The following DCUN1D4 variants were observed in gnomAD, a reference collection of about 807,000 sequenced individuals.
DCUN1D4 encodes the protein defective in cullin neddylation 1 domain containing 4, also known as DCN1-like protein 4.
Under a neutral mutation model 47.9 loss-of-function variants are expected in DCUN1D4, and 22 were observed. That is an observed-to-expected ratio of 0.46 (90% CI 0.33 to 0.66). The LOEUF (loss-of-function observed/expected upper bound fraction) is 0.66. Among genes scored for constraint, DCUN1D4 ranks in the 30% least tolerant of loss-of-function variants. DCUN1D4 has a pLI of 0.02. For synonymous variants in DCUN1D4, 121 were observed against 112.2 expected (o/e 1.08, Z -0.50); for missense variants, 301 against 340.8 (o/e 0.88, Z 0.92).
At chr4:51,863,645 G>C (rs371381672) in intron 2 of DCUN1D4, 25 bp from the exon 3 acceptor site, 1 of 1,610,788 alleles carries the variant, frequency 6.2e-7, no homozygotes, top group Non-Finnish European at 8.5e-7. Flanking sequence ...TGATTTCTTC[G>C]TAATAACGAA....
intron 1 of DCUN1D4, among the ~76,000 whole-genome samples, chr4:51,859,380 T>C (rs200761551): frequency 1.6e-4 from 24 of 152,170 alleles, no homozygotes; most frequent in African/African-American, 4.8e-4. Context: ...TAAAGGGAAG[T>C]TTTTGCTTTT....
At position 51,843,223 on chromosome 4, in the gene DCUN1D4, CG is replaced by C; in HGVS notation, c.-17del. On this transcript the variant is annotated 5_prime_UTR_variant, in exon 1 of 11. Coordinates refer to ENST00000334635, the MANE Select transcript of DCUN1D4 (RefSeq NM_001040402.3). Reference sequence around the variant, plus strand: ...GAGCGCGGGAGCCTGGGCGGCGAGCCGGGTGTGAGCTGCCTGAAAATGCACT... The same window carrying C: ...GAGCGCGGGAGCCTGGGCGGCGAGCCGGTGTGAGCTGCCTGAAAATGCACT... 2.6e-6 allele frequency: 4 copies of C among 1,539,782 alleles called. No homozygotes were observed. Among genetic ancestry groups the C allele is most frequent in the Non-Finnish European group, 2.6e-6 (3 of 1,142,862 alleles).
chr4:51,848,178 CTAATT>C (rs1167779505), intron 1 of DCUN1D4: 5 of 1,258,144 alleles, frequency 4.0e-6, no homozygotes, highest in Admixed American at 2.4e-5. Flanking sequence ...TGTATGCAAA[CTAATT>C]TAATATTTTT....
chr4:51,893,682 A>C (rs1287288588), intron 7 of DCUN1D4, among the ~76,000 whole-genome samples: 2 of 152,138 alleles, frequency 1.3e-5, no homozygotes, highest in African/African-American at 4.8e-5. Flanking sequence ...TCAGCCTCCC[A>C]AGGTGTTGGG....
chr4:51,906,737 G>T (rs1318939284), intron 8 of DCUN1D4, among the ~76,000 whole-genome samples: 2 of 152,194 alleles, frequency 1.3e-5, no homozygotes, highest in Admixed American at 1.3e-4. Context: ...TTTAGTTGTT[G>T]CAGAGCCAGG....
intron 1 of DCUN1D4, among the ~76,000 whole-genome samples, chr4:51,844,710 A>AG (rs1722232422): frequency 6.6e-6 from 1 of 151,510 alleles, no homozygotes; most frequent in Non-Finnish European, 1.5e-5. Flanking sequence ...AGGGCGCTTG[A>AG]GGGGTTTCCT....
intron 1 of DCUN1D4, chr4:51,844,257 C>T (rs1039545413): frequency 2.0e-5 from 18 of 896,660 alleles, no homozygotes; most frequent in Non-Finnish European, 2.2e-5. Flanking sequence ...CTTCCTCTCC[C>T]TGTCGAGGCA....
chr4:51,907,291 T>C (rs765801937), intron 8 of DCUN1D4, among the ~76,000 whole-genome samples: 4 of 152,230 alleles, frequency 2.6e-5, no homozygotes, highest in Non-Finnish European at 5.9e-5. Context: ...TCTAAACTAA[T>C]GTTAGCTAAG....
chr4:51,886,853 T>G, intron 6 of DCUN1D4: 1 of 521,646 alleles, frequency 1.9e-6, no homozygotes, highest in Non-Finnish European at 3.4e-6. Context: ...TTCTCTCATT[T>G]AATTTCTTGT....
intron 3 of DCUN1D4, among the ~76,000 whole-genome samples, chr4:51,871,590 C>T (rs1455020473): frequency 2.0e-5 from 3 of 152,180 alleles, no homozygotes; most frequent in African/African-American, 7.2e-5. Flanking sequence ...AAGCTAAGAA[C>T]CAAACCGTGA....
chr4:51,868,403 A>G (rs1475708306), intron 3 of DCUN1D4, among the ~76,000 whole-genome samples: 1 of 152,206 alleles, frequency 6.6e-6, no homozygotes, highest in African/African-American at 2.4e-5. Context: ...CATCAGTATG[A>G]CATGCTGGTT....
intron 1 of DCUN1D4, among the ~76,000 whole-genome samples, chr4:51,858,095 G>T (rs565302119): frequency 6.6e-6 from 1 of 152,228 alleles, no homozygotes; most frequent in East Asian, 1.9e-4. Flanking sequence ...CTGTTGGTCT[G>T]GCAAGGTTAT....
At chr4:51,913,485 G>GTTA (rs200685693) in intron 10 of DCUN1D4, 44 bp from the exon 11 acceptor site, 29,750 of 1,549,136 alleles carry the variant, frequency 0.019, 282 homozygotes, top group African/African-American at 0.037. Context: ...TATTATTATT[G>GTTA]TTATTATTAT....
chr4:51,843,442 T>A, intron 1 of DCUN1D4, 175 bp downstream of exon 1: 1 of 1,010,876 alleles, frequency 9.9e-7, no homozygotes, highest in African/African-American at 2.2e-5. Flanking sequence ...GCGGGCGGCG[T>A]GGGGCGGGGG....
At chr4:51,891,671 A>G in intron 6 of DCUN1D4, 89 bp from the exon 7 acceptor site, 1 of 1,015,958 alleles carries the variant, frequency 9.8e-7, no homozygotes, top group Non-Finnish European at 1.4e-6. Context: ...ATTTAGCAAA[A>G]CGTTAATGTA....
At chr4:51,857,596 G>C (rs1724340841) in intron 1 of DCUN1D4, among the ~76,000 whole-genome samples, 1 of 152,208 alleles carries the variant, frequency 6.6e-6, no homozygotes, top group African/African-American at 2.4e-5. Context: ...ATGTAAGACT[G>C]TCATATTATT....
At chr4:51,851,513 G>A (rs1479812657) in intron 1 of DCUN1D4, among the ~76,000 whole-genome samples, 1 of 151,982 alleles carries the variant, frequency 6.6e-6, no homozygotes, top group Non-Finnish European at 1.5e-5. Context: ...TGTTTGGTAG[G>A]CTAGAGTGGA....
chr4:51,901,573 TAC>T (rs1363976297), intron 8 of DCUN1D4, among the ~76,000 whole-genome samples: 1 of 152,190 alleles, frequency 6.6e-6, no homozygotes, highest in Admixed American at 6.5e-5. Context: ...AGCACAGTTG[TAC>T]CCATCCAGGC....
intron 6 of DCUN1D4, chr4:51,887,145 G>A (rs568903856): frequency 2.2e-6 from 1 of 451,514 alleles, no homozygotes; most frequent in South Asian, 1.6e-5. Flanking sequence ...ACTGTCGCCA[G>A]GCTGGAGTGC....
Sources: allele counts gnomAD v4.1 joint callset (sites outside exome capture counted in the v4.1 genomes callset), GRCh38; gene constraint gnomAD v4.1.1; transcripts MANE v1.5; gene names NCBI Gene and HGNC (gene_info 2026-07-23, HGNC 2026-07-21).